The following GRID2IP variants were observed in gnomAD, a reference collection of about 807,000 sequenced individuals.
GRID2IP encodes the protein delphilin.
GRID2IP carries 78 observed loss-of-function variants against 114.3 expected under a neutral mutation model. That is an observed-to-expected ratio of 0.68 (90% CI 0.57 to 0.82). GRID2IP has a LOEUF of 0.82. Among genes scored for constraint, GRID2IP ranks in the 40% least tolerant of loss-of-function variants. The pLI is 0.00. For missense variants in GRID2IP, 1,727 were observed against 1,678.5 expected, an observed-to-expected ratio of 1.03 and a Z score of -0.51; for synonymous variants, 809 against 724.0, an observed-to-expected ratio of 1.12 and a Z score of -1.89.
intron 20 of GRID2IP, 127 bp downstream of exon 20, chr7:6,501,654 C>T: frequency 1.4e-6 from 1 of 714,390 alleles, no homozygotes; most frequent in Non-Finnish European, 2.5e-6. Flanking sequence ...CCCCTGGGTG[C>T]ACAGCAACCT....
intron 18 of GRID2IP, 48 bp from the exon 19 acceptor site, chr7:6,502,166 G>A (rs1419033732): frequency 6.6e-7 from 1 of 1,518,586 alleles, no homozygotes; most frequent in Admixed American, 2.1e-5. Flanking sequence ...CCCATCAGAT[G>A]GGGTCACATG....
In GRID2IP at chr7:6,508,583, G is replaced by T. The variant is rs1428442069; in HGVS notation, c.2128-182C>A. On this transcript the variant is annotated intron_variant, in intron 12 of 21. Transcript: ENST00000457091. This position sits in a 1 kb window ranked among gnomAD's most constrained non-coding sequence, Gnocchi z 5.6. The stretch of plus-strand genomic sequence containing the variant: ...CTGTCTCACAGGTTAACCTCAGGCT[G>T]TGAGGGGGATAGCCTGGGCTAAGGA... 1.3e-5 allele frequency among the ~76,000 whole-genome samples: 2 copies of T among 152,038 alleles called. No individual in the cohort carries two copies.
chr7:6,510,699 G>A lies in GRID2IP; in HGVS notation c.1563C>T (p.Ser521=), dbSNP rs746049099. 10 of 1,548,246 alleles carry A rather than the reference G, an allele frequency of 6.5e-6. No homozygotes were observed. The highest frequency in any genetic ancestry group is 1.2e-5 in the South Asian group (1 of 83,728). ...GGGGAAGAGGCATCTCAGGGCACTC[G>A]CTGGGACCTACCGGGGAATAATGTC... ...GLEAGLSCGP[S]ECPEMPLPLI... is the part of the protein sequence containing the mutation. Residue 521 remains serine (S), a synonymous_variant, in exon 10 of 22, where the codon AGC becomes AGT. Coordinates refer to ENST00000457091, the MANE Select transcript of GRID2IP (RefSeq NM_001145118.2).
chr7:6,499,591 T>C lies in GRID2IP; in HGVS notation c.3400-1363A>G, dbSNP rs192722852. Among the ~76,000 whole-genome samples, 46 of 151,748 alleles carry C rather than the reference T, an allele frequency of 3.0e-4. No individual in the cohort carries two copies. The East Asian group carries it at 5.2e-3, about 17-fold the overall frequency. On this transcript the variant is annotated intron_variant, in intron 20 of 21. Coordinates refer to ENST00000457091, the MANE Select transcript of GRID2IP (RefSeq NM_001145118.2). ...GATTACAGGCACATGGCACCATACC[T>C]GGCTAATTTTTGTATGTCTAGTAGA...
chr7:6,514,906 C>G (rs541982569), intron 7 of GRID2IP, among the ~76,000 whole-genome samples: 2 of 146,080 alleles, frequency 1.4e-5, no homozygotes, highest in Non-Finnish European at 3.0e-5. Context: ...GAGCTGAGAT[C>G]GTGTCACTGC....
In GRID2IP at chr7:6,551,238, G is replaced by A. The variant is rs1250749348; in HGVS notation, c.199C>T (p.Arg67Cys). The change falls in exon 1 of 22, where the codon CGC (arginine) becomes TGC (cysteine). Residue 67 changes from arginine to cysteine, a missense_variant. Physicochemically the swap from Arg to Cys is radical, Grantham distance 180. Transcript: ENST00000457091. ...ACACGTGGGCAGCGCCGTGCCAGGC[G>A]CACGAGGCGCTCGCGGCTCAGACCG... is the stretch of plus-strand genomic sequence containing the variant. ...VGGLSRERLV[R>C]LARRCPRVPP... is the part of the protein sequence containing the mutation. 1.8e-5 allele frequency: 28 copies of A among 1,529,534 alleles called. No individual in the cohort carries two copies. Among genetic ancestry groups the A allele is most frequent in the Admixed American group, 4.0e-5 (2 of 50,490 alleles). 94.7% of individuals were successfully genotyped at this position (1,529,534 alleles called of 1,614,324 possible).
chr7:6,512,944 C>G (rs1470802426), intron 8 of GRID2IP, among the ~76,000 whole-genome samples: 1 of 152,202 alleles, frequency 6.6e-6, no homozygotes, highest in Non-Finnish European at 1.5e-5. Flanking sequence ...AAGAGTGAAC[C>G]ACTGCACCTG....
intron 1 of GRID2IP, among the ~76,000 whole-genome samples, chr7:6,547,745 G>A (rs1779908950): frequency 6.6e-6 from 1 of 152,136 alleles, no homozygotes; most frequent in South Asian, 2.1e-4. Flanking sequence ...AGCCCATTCA[G>A]GGGATCAGGC....
intron 1 of GRID2IP, among the ~76,000 whole-genome samples, chr7:6,542,277 C>T (rs1247637005): frequency 7.1e-6 from 1 of 141,762 alleles, no homozygotes; most frequent in East Asian, 2.0e-4. Flanking sequence ...TGTACTCCAG[C>T]CTAGGCAACA....
chr7:6,529,896 G>C (rs1779584129), intron 2 of GRID2IP, among the ~76,000 whole-genome samples: 1 of 150,848 alleles, frequency 6.6e-6, no homozygotes, highest in Non-Finnish European at 1.5e-5. Context: ...CCAACCCCAA[G>C]TTCCTACCCC....
At position 6,505,416 on chromosome 7, in the gene GRID2IP, G is replaced by A. The variant is rs138632076; in HGVS notation, c.2632+404C>T. 1.1e-4 allele frequency among the ~76,000 whole-genome samples: 17 copies of A among 149,750 alleles called. 1 individual carries two copies. The highest frequency in any genetic ancestry group is 1.9e-4 in the Non-Finnish European group (13 of 67,738). On this transcript the variant is annotated intron_variant, in intron 14 of 21. Coordinates refer to ENST00000457091, the MANE Select transcript of GRID2IP (RefSeq NM_001145118.2). ...ACTGTGTCACCCAGGTTACCAGGTC[G>A]GAGTGCAGTGGTGTGATCGCGGCTC...
chr7:6,545,996 C>T (rs1011163374), intron 1 of GRID2IP, among the ~76,000 whole-genome samples: 6 of 152,038 alleles, frequency 3.9e-5, no homozygotes, highest in Admixed American at 3.9e-4. Flanking sequence ...GGGGCCCGTG[C>T]TACAGTGCGG....
In GRID2IP at chr7:6,508,356, T is replaced by C; in HGVS notation, c.2173A>G (p.Ser725Gly). The change falls in exon 13 of 22, where the codon AGC becomes GGC. Residue 725 changes from serine to glycine, a missense_variant. Transcript: ENST00000457091. The surrounding 1 kb of genome is among the most constrained non-coding windows in gnomAD (Gnocchi z 5.6). ...DQGSFVTNER[S>G]SASDCISSSE... Reference sequence around the variant, plus strand: ...CTGCTGATGCAGTCGCTGGCGCTGCTCCGCTCATTGGTTACGAAGCTGCCC... The same window carrying C: ...CTGCTGATGCAGTCGCTGGCGCTGCCCCGCTCATTGGTTACGAAGCTGCCC... 1 of 1,551,566 alleles carries C rather than the reference T, an allele frequency of 6.4e-7. No individual in the cohort carries two copies.
At chr7:6,550,969 C>T (rs1175777641) in intron 1 of GRID2IP, 39 bp downstream of exon 1, 4 of 1,172,194 alleles carry the variant, frequency 3.4e-6, no homozygotes, top group South Asian at 3.9e-5. Context: ...ATTATGAGCC[C>T]CCTCCTTCCC....
chr7:6,504,744 AG>A, intron 15 of GRID2IP, 48 bp downstream of exon 15: 1 of 1,433,132 alleles, frequency 7.0e-7, no homozygotes, highest in Non-Finnish European at 9.6e-7. Flanking sequence ...GCCCAGAGAA[AG>A]GGCCGCCGCC....
Position 6,544,529 on chromosome 7 carries a change from C to G in GRID2IP, c.430-4657G>C, listed in dbSNP as rs1251423709. Among the ~76,000 whole-genome samples the G allele has an allele frequency of 3.3e-5, 5 of 152,150 alleles. No homozygotes were observed. In the East Asian group the frequency reaches 9.8e-4, roughly 30 times the overall value. ...TCCTGACCTCAGGTGATCCACCCGC[C>G]TCAGCCTCCCAATGTGCTGGGTTTA... is the stretch of plus-strand genomic sequence containing the variant. On this transcript the variant is annotated intron_variant, in intron 1 of 21. Coordinates refer to ENST00000457091, the MANE Select transcript of GRID2IP (RefSeq NM_001145118.2).
At chr7:6,514,797 TA>T (rs1485319187) in intron 7 of GRID2IP, among the ~76,000 whole-genome samples, 1 of 151,286 alleles carries the variant, frequency 6.6e-6, no homozygotes, top group Non-Finnish European at 1.5e-5. Context: ...ACTGAAAGTA[TA>T]AAAATTAGTC....
At chr7:6,504,010 T>C (rs1365899804) in intron 15 of GRID2IP, among the ~76,000 whole-genome samples, 1 of 145,772 alleles carries the variant, frequency 6.9e-6, no homozygotes, top group East Asian at 2.1e-4. Flanking sequence ...GGCTTCCAGG[T>C]TGGCCCAGGA....
At chr7:6,541,628 A>G (rs1003954706) in intron 1 of GRID2IP, among the ~76,000 whole-genome samples, 1 of 152,266 alleles carries the variant, frequency 6.6e-6, no homozygotes, top group African/African-American at 2.4e-5. Flanking sequence ...GGAAAGGAGC[A>G]TGCAAATAGA....
Sources: gnomAD v4.1 joint callset for allele counts (sites outside exome capture counted in the v4.1 genomes callset) on GRCh38, gnomAD v4.1.1 for gene constraint, Gnocchi (gnomAD v3.1) non-coding constraint, MANE v1.5 for transcripts, NCBI Gene and HGNC (gene_info 2026-07-23, HGNC 2026-07-21) for gene names.